ARHGAP26: variants seen among roughly 807,000 people sequenced by gnomAD.
ARHGAP26 encodes rho GTPase-activating protein 26.
A neutral mutation model predicts 104.8 loss-of-function variants in ARHGAP26; 38 were observed. That is an observed-to-expected ratio of 0.36 (90% CI 0.28 to 0.48). ARHGAP26 has a LOEUF of 0.48. ARHGAP26 is among the 20% of genes least tolerant of loss of function. ARHGAP26 has a pLI of 0.99. For missense variants in ARHGAP26, 704 were observed against 947.9 expected, an observed-to-expected ratio of 0.74 and a Z score of 3.38; for synonymous variants, 341 against 340.0, an observed-to-expected ratio of 1.00 and a Z score of -0.03.
chr5:143,151,482 G>T (rs1477650371), intron 20 of ARHGAP26, among the ~76,000 whole-genome samples: 5 of 152,210 alleles, frequency 3.3e-5, no homozygotes, highest in Admixed American at 3.3e-4. Flanking sequence ...GATTTTGTTA[G>T]AAGCTTTATT....
chr5:143,212,827 G>C (rs1251159093), intron 21 of ARHGAP26, among the ~76,000 whole-genome samples: 1 of 152,290 alleles, frequency 6.6e-6, no homozygotes, highest in East Asian at 1.9e-4. Flanking sequence ...CTGCACGTTG[G>C]AATTACTTGG....
chr5:142,917,614 A>G (rs1438223458), intron 10 of ARHGAP26, among the ~76,000 whole-genome samples: 1 of 152,254 alleles, frequency 6.6e-6, no homozygotes, highest in Non-Finnish European at 1.5e-5. Context: ...AGCAATGCAG[A>G]TAGAGCACAG....
At chr5:142,782,516 T>C (rs559076904) in intron 1 of ARHGAP26, among the ~76,000 whole-genome samples, 1 of 152,132 alleles carries the variant, frequency 6.6e-6, no homozygotes, top group Non-Finnish European at 1.5e-5. Flanking sequence ...CAGGTGATTC[T>C]AATGTGCAGC....
At chr5:142,999,037 G>T (rs539267219) in intron 11 of ARHGAP26, among the ~76,000 whole-genome samples, 239 of 152,244 alleles carry the variant, frequency 1.6e-3, no homozygotes, top group Non-Finnish European at 2.9e-3. Flanking sequence ...GACCTAAAGG[G>T]GTTCATTCAT....
At chr5:142,927,661 T>C (rs1000783609) in intron 10 of ARHGAP26, among the ~76,000 whole-genome samples, 1 of 152,260 alleles carries the variant, frequency 6.6e-6, no homozygotes, top group Non-Finnish European at 1.5e-5. Flanking sequence ...TTGGTGGACA[T>C]ATGCACTCAT....
chr5:142,987,814 A>G (rs1006992351), intron 11 of ARHGAP26, among the ~76,000 whole-genome samples: 4 of 152,260 alleles, frequency 2.6e-5, no homozygotes, highest in Middle Eastern at 3.4e-3. Flanking sequence ...ATTTGTGTGT[A>G]TTGAACCAGC....
intron 10 of ARHGAP26, among the ~76,000 whole-genome samples, chr5:142,922,421 A>AGTGTGT (rs3836778): frequency 3.3e-5 from 5 of 150,442 alleles, no homozygotes; most frequent in Non-Finnish European, 7.4e-5. Flanking sequence ...TTGACAGAAG[A>AGTGTGT]GTGTGTGTGT....
chr5:142,996,867 G>A (rs1360336284), intron 11 of ARHGAP26, among the ~76,000 whole-genome samples: 3 of 152,166 alleles, frequency 2.0e-5, no homozygotes, highest in Non-Finnish European at 2.9e-5. Flanking sequence ...TAGAAAGAGA[G>A]AGAGAGAGAT....
intron 20 of ARHGAP26, among the ~76,000 whole-genome samples, chr5:143,158,975 G>A (rs922846817): frequency 6.6e-6 from 1 of 152,190 alleles, no homozygotes; most frequent in Non-Finnish European, 1.5e-5. Flanking sequence ...ATAACTCAAG[G>A]AGGGTTTATT....
At chr5:142,934,355 T>C (rs1225802230) in intron 11 of ARHGAP26, among the ~76,000 whole-genome samples, 1 of 152,240 alleles carries the variant, frequency 6.6e-6, no homozygotes, top group Non-Finnish European at 1.5e-5. Context: ...AATAATTTTG[T>C]TTCTAAACAT....
Position 143,054,501 on chromosome 5 carries a change from A to G in ARHGAP26, c.1348A>G (p.Thr450Ala), listed in dbSNP as rs749596248. The G allele has an allele frequency of 6.2e-7, 1 of 1,613,470 alleles. No homozygotes were observed. Among genetic ancestry groups the G allele is most frequent in the Non-Finnish European group, 8.5e-7 (1 of 1,179,622 alleles). The change falls in exon 15 of 23, where the codon ACT becomes GCT. Residue 450 changes from threonine to alanine, a missense_variant. This residue lies in a region of ARHGAP26 where 287 missense variants were observed against 438.8 expected (regional missense o/e 0.65). Coordinates refer to ENST00000645722, the MANE Select transcript of ARHGAP26 (RefSeq NM_001135608.3). ...ICAEWEIKTI[T>A]SALKTYLRML... Reference sequence around the variant, plus strand: ...TGCTGAATGGGAGATAAAGACCATCACTAGTGCTCTGAAGACCTACCTAAG... The same window carrying G: ...TGCTGAATGGGAGATAAAGACCATCGCTAGTGCTCTGAAGACCTACCTAAG...
chr5:142,960,029 C>CA (rs1769953193), intron 11 of ARHGAP26, among the ~76,000 whole-genome samples: 1 of 152,268 alleles, frequency 6.6e-6, no homozygotes, highest in South Asian at 2.1e-4. Flanking sequence ...ATGACTATCA[C>CA]AAACCCCATG....
intron 20 of ARHGAP26, among the ~76,000 whole-genome samples, chr5:143,149,823 T>C (rs1799600035): frequency 6.6e-6 from 1 of 152,138 alleles, no homozygotes; most frequent in African/African-American, 2.4e-5. Context: ...TAATTATGCA[T>C]GAGGTAGGGA....
intron 1 of ARHGAP26, among the ~76,000 whole-genome samples, chr5:142,836,780 A>G (rs1032715926): frequency 2.0e-5 from 3 of 152,184 alleles, no homozygotes; most frequent in Non-Finnish European, 1.5e-5. Context: ...TGGATCAGAT[A>G]CCATACTAGG....
intron 17 of ARHGAP26, among the ~76,000 whole-genome samples, chr5:143,114,440 T>C (rs1238628725): frequency 1.3e-5 from 2 of 152,166 alleles, no homozygotes; most frequent in Non-Finnish European, 2.9e-5. Context: ...CGCCATCCTC[T>C]GTTATATACT....
chr5:143,096,284 T>G (rs931056526), intron 17 of ARHGAP26, among the ~76,000 whole-genome samples: 10 of 152,216 alleles, frequency 6.6e-5, no homozygotes, highest in Admixed American at 6.5e-4. Context: ...TAAAAAGTCA[T>G]TAAATATTGG....
intron 12 of ARHGAP26, among the ~76,000 whole-genome samples, chr5:143,033,077 T>A (rs1406163257): frequency 1.3e-5 from 2 of 152,242 alleles, no homozygotes; most frequent in African/African-American, 4.8e-5. Flanking sequence ...TTTAATACAT[T>A]AGAGGCTAAC....
chr5:142,957,412 A>G (rs1769433178), intron 11 of ARHGAP26, among the ~76,000 whole-genome samples: 1 of 152,208 alleles, frequency 6.6e-6, no homozygotes, highest in African/African-American at 2.4e-5. Context: ...TTTTCAAAAT[A>G]AAGTTCCATT....
intron 17 of ARHGAP26, among the ~76,000 whole-genome samples, chr5:143,119,908 G>T (rs1795941483): frequency 6.7e-6 from 1 of 149,594 alleles, no homozygotes; most frequent in Non-Finnish European, 1.5e-5. Flanking sequence ...AAAAAAAAGT[G>T]GACCAGAGAA....
Sources: allele counts gnomAD v4.1 joint callset (sites outside exome capture counted in the v4.1 genomes callset), GRCh38; gene constraint gnomAD v4.1.1; regional missense constraint gnomAD v4.1.1; transcripts MANE v1.5; gene names NCBI Gene and HGNC (gene_info 2026-07-23, HGNC 2026-07-21).